NHS: variants seen among roughly 807,000 people sequenced by gnomAD.
NHS encodes NHS actin remodeling regulator.
In NHS, 5 loss-of-function variants were observed where a neutral mutation model predicts 72.5. That is an observed-to-expected ratio of 0.07 (90% CI 0.04 to 0.14). NHS has a LOEUF of 0.14. NHS is among the 10% of genes least tolerant of loss of function. The pLI is 1.00. For missense variants in NHS, 1,072 were observed against 1,355.7 expected (o/e 0.79, Z 3.29); for synonymous variants, 464 against 547.7 (o/e 0.85, Z 2.13).
intron 1 of NHS, among the ~76,000 whole-genome samples, chrX:17,639,447 C>T (rs186016398): frequency 9.0e-6 from 1 of 111,304 alleles, no homozygotes; most frequent in African/African-American, 3.3e-5. Flanking sequence ...GTGGTTGCAT[C>T]TGGTTGGCTT....
chrX:17,556,627 A>G (rs1290115450), intron 1 of NHS, among the ~76,000 whole-genome samples: 1 of 112,590 alleles, frequency 8.9e-6, no homozygotes, highest in Non-Finnish European at 1.9e-5. Context: ...AAGTTAAGTA[A>G]TTTTCCCAAA....
chrX:17,416,149 GTC>G (rs2064593318), intron 1 of NHS, among the ~76,000 whole-genome samples: 1 of 111,051 alleles, frequency 9.0e-6, no homozygotes, highest in South Asian at 3.9e-4. Flanking sequence ...GTTGCTTTCA[GTC>G]TCTCTCTCAC....
rs1054247488 is a variant in NHS, at chrX:17,732,184, G to C, written c.4676G>C (p.Ser1559Thr). The stretch of plus-strand genomic sequence containing the variant: ...GAGCTCACAGCAGAGTCCCCTCAGA[G>C]CACCGATGATGCCCATCAGGGGTCA... ...PGELTAESPQ[S>T]TDDAHQGSQG... The change falls in exon 9 of 9, where the codon AGC becomes ACC. Residue 1559 changes from serine to threonine, a missense_variant. Physicochemically the swap from Ser to Thr is moderately conservative, Grantham distance 58. Coordinates refer to ENST00000676302, the MANE Select transcript of NHS (RefSeq NM_001291867.2). The C allele has an allele frequency of 3.3e-6, 4 of 1,211,965 alleles. No individual in the cohort carries two copies. The highest frequency in any genetic ancestry group is 4.3e-5 in the Admixed American group (2 of 46,061).
chrX:17,467,401 T>A (rs933728967), intron 1 of NHS, among the ~76,000 whole-genome samples: 2 of 111,688 alleles, frequency 1.8e-5, no homozygotes, highest in African/African-American at 6.5e-5. Context: ...TAAGATTTCA[T>A]GATTATAGGA....
chrX:17,540,549 C>T (rs1167248443), intron 1 of NHS, among the ~76,000 whole-genome samples: 1 of 111,932 alleles, frequency 8.9e-6, no homozygotes, highest in East Asian at 2.8e-4. Context: ...GAGAGAAAAA[C>T]AGATCAGGCC....
intron 1 of NHS, among the ~76,000 whole-genome samples, chrX:17,650,845 T>C (rs918433345): frequency 8.9e-6 from 1 of 112,348 alleles, no homozygotes; most frequent in Non-Finnish European, 1.9e-5. Flanking sequence ...ACAGCTAAAA[T>C]CTATATGTAC....
Position 17,655,872 on chromosome X carries a change from A to C in NHS, c.566-31870A>C, listed in dbSNP as rs184323924. Reference sequence around the variant, plus strand: ...CCGTGCGCAGAGACCTCCCCAGTCGACTTCCTCATCAGAAGGCAGCATCCA... The same window carrying C: ...CCGTGCGCAGAGACCTCCCCAGTCGCCTTCCTCATCAGAAGGCAGCATCCA... On this transcript the variant is annotated intron_variant, in intron 1 of 8. Transcript: ENST00000676302. Among the ~76,000 whole-genome samples, 25 of 113,007 alleles carry C rather than the reference A, an allele frequency of 2.2e-4. No individual in the cohort carries two copies. The East Asian group carries it at 6.5e-3, about 29-fold the overall frequency.
intron 1 of NHS, among the ~76,000 whole-genome samples, chrX:17,603,066 C>T (rs1447323146): frequency 3.6e-5 from 4 of 109,853 alleles, no homozygotes; most frequent in Non-Finnish European, 7.6e-5. Context: ...GGCTAGTTTC[C>T]GACTCCCAGT....
chrX:17,422,039 T>C (rs1053728248), intron 1 of NHS, among the ~76,000 whole-genome samples: 3 of 111,883 alleles, frequency 2.7e-5, no homozygotes, highest in Admixed American at 1.9e-4. Context: ...TTTCCAGTGA[T>C]CCAAAAAGTT....
At chrX:17,451,477 G>A (rs1341126883) in intron 1 of NHS, among the ~76,000 whole-genome samples, 1 of 112,446 alleles carries the variant, frequency 8.9e-6, no homozygotes, top group African/African-American at 3.2e-5. Flanking sequence ...ATAGTACCAC[G>A]TCCTTTCACA....
intron 1 of NHS, among the ~76,000 whole-genome samples, chrX:17,406,859 G>A (rs867048928): frequency 8.9e-6 from 1 of 112,087 alleles, no homozygotes; most frequent in Non-Finnish European, 1.9e-5. Flanking sequence ...AGAGGAAGAG[G>A]GAGAAGCTAA....
rs1321744528 is a variant in NHS, at chrX:17,734,012, T to C, written c.*1548T>C. 1 of 112,827 alleles carries C rather than the reference T, an allele frequency of 8.9e-6. No homozygotes were observed. The highest frequency in any genetic ancestry group is 1.9e-5 in the Non-Finnish European group (1 of 53,357). The allele number at this position is 112,827 out of a possible 1,213,427, so 9.3% of individuals were successfully genotyped here. ...CTCTGATTTTAACATGAACTTATAC[T>C]AATGTTTGGAATCTTATGTCAGAAA... On this transcript the variant is annotated 3_prime_UTR_variant, in exon 9 of 9. Transcript: ENST00000676302.
chrX:17,719,650 C>T (rs2066393821), intron 4 of NHS, among the ~76,000 whole-genome samples: 1 of 110,888 alleles, frequency 9.0e-6, no homozygotes, highest in Non-Finnish European at 1.9e-5. Flanking sequence ...TCACCTAACA[C>T]TACTCTTGGA....
At chrX:17,468,954 C>T (rs943657114) in intron 1 of NHS, among the ~76,000 whole-genome samples, 1 of 111,768 alleles carries the variant, frequency 8.9e-6, no homozygotes, top group Admixed American at 9.4e-5. Context: ...ATTATAAGCA[C>T]CCCAGAAGCC....
intron 1 of NHS, among the ~76,000 whole-genome samples, chrX:17,500,078 TA>T (rs1569267675): frequency 8.9e-6 from 1 of 112,674 alleles, no homozygotes; most frequent in Non-Finnish European, 1.9e-5. Flanking sequence ...TTTGCTGTTT[TA>T]ATCTTAATCC....
At chrX:17,423,814 G>A (rs192122867) in intron 1 of NHS, among the ~76,000 whole-genome samples, 5 of 112,408 alleles carry the variant, frequency 4.4e-5, no homozygotes, top group East Asian at 2.8e-4. Flanking sequence ...GCAAGGCAGC[G>A]AATGCCTGCT....
At chrX:17,615,280 TCTCA>T (rs2065739561) in intron 1 of NHS, among the ~76,000 whole-genome samples, 2 of 91,637 alleles carry the variant, frequency 2.2e-5, no homozygotes, top group South Asian at 4.6e-4. Context: ...ATATATATGG[TCTCA>T]CTCTGTTGCC....
intron 1 of NHS, among the ~76,000 whole-genome samples, chrX:17,467,302 A>G (rs1405928596): frequency 8.9e-6 from 1 of 112,282 alleles, no homozygotes; most frequent in East Asian, 2.8e-4. Context: ...GAGTTCATCT[A>G]GTTTCCCAGA....
intron 1 of NHS, chrX:17,552,364 G>A (rs1330010282): frequency 2.7e-5 from 3 of 112,028 alleles, no homozygotes; most frequent in Non-Finnish European, 5.6e-5. Context: ...TAAACAAAAT[G>A]GGGTTTTAGT....
Sources: gnomAD v4.1 joint callset for allele counts (sites outside exome capture counted in the v4.1 genomes callset) on GRCh38, gnomAD v4.1.1 for gene constraint, MANE v1.5 for transcripts, NCBI Gene and HGNC (gene_info 2026-07-23, HGNC 2026-07-21) for gene names.